The following ZNF683 variants were observed in gnomAD, a reference collection of about 807,000 sequenced individuals.
The protein encoded by ZNF683 is zinc finger protein 683, also known as tissue-resident T-cell transcription regulator protein ZNF683.
A neutral mutation model predicts 31.4 loss-of-function variants in ZNF683; 20 were observed. The ratio of observed to expected loss-of-function variants is 0.64; its 90% CI spans 0.45 to 0.93. The LOEUF (loss-of-function observed/expected upper bound fraction) is 0.93. Ranked by LOEUF, ZNF683 falls within the 40% of genes least tolerant of loss-of-function variation. ZNF683 has a pLI of 0.00. For synonymous variants in ZNF683, 264 were observed against 267.6 expected (o/e 0.99, Z 0.13); for missense variants, 621 against 637.2 (o/e 0.97, Z 0.27).
chr1:26,362,875 T>C (rs1235942059), intron 5 of ZNF683, 151 bp downstream of exon 5: 1 of 1,045,682 alleles, frequency 9.6e-7, no homozygotes, highest in Admixed American at 2.4e-5. Flanking sequence ...CATTCCAGGC[T>C]GAGAGGAGTC....
At chr1:26,368,876 C>T (rs2074597227) in intron 1 of ZNF683, among the ~76,000 whole-genome samples, 1 of 152,154 alleles carries the variant, frequency 6.6e-6, no homozygotes, top group Admixed American at 6.5e-5. Context: ...CTTTGGGAGG[C>T]TGAGAAGGAA....
intron 5 of ZNF683, 83 bp downstream of exon 5, chr1:26,362,943 G>A: frequency 6.7e-6 from 10 of 1,491,504 alleles, no homozygotes; most frequent in Non-Finnish European, 9.1e-6. Context: ...CTGGGGAATG[G>A]AGGCTGCAGG....
intron 1 of ZNF683, among the ~76,000 whole-genome samples, chr1:26,372,132 C>T (rs2074684327): frequency 6.6e-6 from 1 of 152,174 alleles, no homozygotes; most frequent in Non-Finnish European, 1.5e-5. Context: ...CATCAATCTG[C>T]ACCCCAGCCA....
chr1:26,374,452 G>C, upstream of ZNF683: 2 of 1,153,882 alleles, frequency 1.7e-6, no homozygotes, highest in Non-Finnish European at 2.2e-6. Context: ...TGCCCCAGGA[G>C]GTGGGCTGAG....
At chr1:26,369,680 ATT>A (rs2074620842) in intron 1 of ZNF683, among the ~76,000 whole-genome samples, 1 of 151,456 alleles carries the variant, frequency 6.6e-6, no homozygotes, top group Admixed American at 6.6e-5. Flanking sequence ...AAAAAAAAAA[ATT>A]AGCTGAGTGT....
At position 26,361,785 on chromosome 1, in the gene ZNF683, C is replaced by G. The variant is rs1246277963; in HGVS notation, c.1381G>C (p.Val461Leu). ...WHQGALDLMA[V>L]ASEKHMGYDI... Reference sequence around the variant, plus strand: ...TAGCCCATGTGTTTCTCAGATGCCACCGCCATAAGATCTAGTGCCCCCTGG... The same window carrying G: ...TAGCCCATGTGTTTCTCAGATGCCAGCGCCATAAGATCTAGTGCCCCCTGG... The change falls in exon 6 of 6, where the codon GTG becomes CTG. Residue 461 changes from valine to leucine, a missense_variant. Val to Leu is a conservative substitution (Grantham distance 32). Transcript: ENST00000349618. 6.2e-7 allele frequency: 1 copy of G among 1,614,078 alleles called. No homozygotes were observed. Among genetic ancestry groups the G allele is most frequent in the Non-Finnish European group, 8.5e-7 (1 of 1,179,908 alleles).
chr1:26,366,691 C>T (rs114579593), intron 3 of ZNF683, among the ~76,000 whole-genome samples: 1 of 152,090 alleles, frequency 6.6e-6, no homozygotes, highest in Non-Finnish European at 1.5e-5. Flanking sequence ...GAGTCTCGCT[C>T]AGTCGCCCAG....
intron 1 of ZNF683, chr1:26,370,897 A>G (rs2074654590): frequency 6.0e-6 from 1 of 167,908 alleles, no homozygotes; most frequent in South Asian, 2.0e-4. Flanking sequence ...TCTGGAGGAC[A>G]ACCTGCTGAT....
chr1:26,366,942 C>A (rs932675462), intron 3 of ZNF683, among the ~76,000 whole-genome samples: 5 of 152,184 alleles, frequency 3.3e-5, no homozygotes, highest in Non-Finnish European at 7.3e-5. Context: ...AGGCATGAGC[C>A]ACCGTGCCCG....
upstream of ZNF683, chr1:26,374,365 GA>G: frequency 2.3e-6 from 3 of 1,287,104 alleles, no homozygotes; most frequent in Non-Finnish European, 3.1e-6. Context: ...CTCTCTGTTA[GA>G]AAAAAATAAA....
intron 1 of ZNF683, chr1:26,372,432 A>C: frequency 1.7e-5 from 22 of 1,257,190 alleles, no homozygotes; most frequent in African/African-American, 3.1e-5. Context: ...AAAAGCCGAA[A>C]TGGCCAAATA....
At chr1:26,362,913 T>C (rs1014912891) in intron 5 of ZNF683, 113 bp downstream of exon 5, 7 of 1,394,312 alleles carry the variant, frequency 5.0e-6, no homozygotes, top group Non-Finnish European at 5.8e-6. Context: ...CCCCTTCCCA[T>C]CTCCACTTGC....
upstream of ZNF683, chr1:26,372,848 T>C: frequency 8.5e-7 from 1 of 1,173,468 alleles, no homozygotes; most frequent in South Asian, 1.7e-5. Context: ...ACAAGACAGA[T>C]GATCTGGGAG....
Position 26,362,201 on chromosome 1 carries a change from T to G in ZNF683, c.1144-179A>C, listed in dbSNP as rs759849644. On this transcript the variant is annotated intron_variant, in intron 5 of 5. Coordinates refer to ENST00000349618, the MANE Select transcript of ZNF683 (RefSeq NM_001114759.3). The stretch of plus-strand genomic sequence containing the variant: ...CTAGCACATTAGAACCAGGCCAACT[T>G]GGGTTAGTGTCCTTTACTCCATGTG... 2.6e-6 allele frequency: 4 copies of G among 1,564,596 alleles called. No homozygotes were observed. The Admixed American group carries it at 7.7e-5, about 30-fold the overall frequency.
intron 3 of ZNF683, among the ~76,000 whole-genome samples, chr1:26,365,671 A>C (rs1051046581): frequency 3.3e-5 from 5 of 152,240 alleles, no homozygotes; most frequent in African/African-American, 1.2e-4. Flanking sequence ...CAGGTATAGA[A>C]TGTTCCCATT....
At chr1:26,374,221 G>C (rs2074719382), upstream of ZNF683, 40 of 1,301,128 alleles carry the variant, frequency 3.1e-5, no homozygotes, top group Non-Finnish European at 4.1e-5. Flanking sequence ...GGGAATCACA[G>C]GGAAGTGAGG....
At chr1:26,364,507 G>C (rs1395813948) in intron 4 of ZNF683, 25 bp downstream of exon 4, 1 of 1,612,688 alleles carries the variant, frequency 6.2e-7, no homozygotes. Flanking sequence ...GTTGAGGGGA[G>C]AAGCAGAGCC....
At chr1:26,367,536 G>T in intron 3 of ZNF683, 57 bp downstream of exon 3, 1 of 1,458,886 alleles carries the variant, frequency 6.9e-7, no homozygotes, top group Non-Finnish European at 9.1e-7. Flanking sequence ...ACCTAGCAGT[G>T]CCCCCCACCC....
rs77100517 is a variant in ZNF683, at chr1:26,372,557, C to T, written c.-15+112G>A. The T allele has an allele frequency of 5.2e-3, 6,792 of 1,305,048 alleles. 28 individuals carry two copies. The highest frequency in any genetic ancestry group is 6.6e-3 in the Non-Finnish European group (6,483 of 989,088). 80.8% of individuals were successfully genotyped at this position (1,305,048 alleles called of 1,614,324 possible). On this transcript the variant is annotated intron_variant, in intron 1 of 5. Transcript: ENST00000349618. Reference sequence around the variant, plus strand: ...CACCTTTGGCTTCCATCTGCCAGCTCTGCCCTCTCCTGGCATCACACTCTG... The same window carrying T: ...CACCTTTGGCTTCCATCTGCCAGCTTTGCCCTCTCCTGGCATCACACTCTG...
Sources: gnomAD v4.1 joint callset for allele counts (sites outside exome capture counted in the v4.1 genomes callset) on GRCh38, gnomAD v4.1.1 for gene constraint, MANE v1.5 for transcripts, NCBI Gene and HGNC (gene_info 2026-07-23, HGNC 2026-07-21) for gene names.